Variants in ELL2 observed in about 807,000 individuals in gnomAD.
ELL2 encodes the protein RNA polymerase II elongation factor ELL2.
A neutral mutation model predicts 72.8 loss-of-function variants in ELL2; 21 were observed. The observed-to-expected ratio is 0.29, with a 90% confidence interval of 0.20 to 0.42. ELL2 has a LOEUF of 0.42. Ranked by LOEUF, ELL2 falls within the 10% of genes least tolerant of loss-of-function variation. The pLI, the probability that ELL2 is intolerant of heterozygous loss-of-function variation, is 1.00. For synonymous variants in ELL2, 266 were observed against 283.2 expected (o/e 0.94, Z 0.61); for missense variants, 568 against 772.8 (o/e 0.73, Z 3.14).
intron 2 of ELL2, among the ~76,000 whole-genome samples, chr5:95,940,138 T>G (rs1244820106): frequency 6.6e-6 from 1 of 152,194 alleles, no homozygotes; most frequent in Non-Finnish European, 1.5e-5. Flanking sequence ...ATGCCTTCAA[T>G]GACCATCTAA....
intron 7 of ELL2, 145 bp downstream of exon 7, chr5:95,900,548 C>T: frequency 1.9e-6 from 1 of 539,948 alleles, no homozygotes. Flanking sequence ...AAATTCTAGG[C>T]TAAGCTCAGC....
chr5:95,894,244 A>T (rs1216718959), intron 9 of ELL2, among the ~76,000 whole-genome samples: 1 of 152,232 alleles, frequency 6.6e-6, no homozygotes. Context: ...CCGTCTCAAA[A>T]ACAAAAAAAG....
intron 1 of ELL2, among the ~76,000 whole-genome samples, chr5:95,961,321 C>A (rs1751840239): frequency 6.6e-6 from 1 of 151,864 alleles, no homozygotes; most frequent in Admixed American, 6.5e-5. Context: ...GCAGCGGCAG[C>A]GCAGCCGACC....
At chr5:95,956,273 A>C (rs1467434948) in intron 1 of ELL2, among the ~76,000 whole-genome samples, 1 of 152,176 alleles carries the variant, frequency 6.6e-6, no homozygotes, top group Non-Finnish European at 1.5e-5. Flanking sequence ...CGTTGCATTG[A>C]GCAACTGGGC....
intron 2 of ELL2, among the ~76,000 whole-genome samples, chr5:95,920,134 C>G (rs1169747638): frequency 6.6e-6 from 1 of 152,110 alleles, no homozygotes; most frequent in Non-Finnish European, 1.5e-5. Flanking sequence ...TGCCATTATA[C>G]ATCCTCATGT....
At chr5:95,891,475 C>T (rs764688558) in intron 9 of ELL2, among the ~76,000 whole-genome samples, 6 of 152,192 alleles carry the variant, frequency 3.9e-5, no homozygotes, top group Admixed American at 2.0e-4. Context: ...AGAGCTTCAA[C>T]GAAGGAGAGT....
intron 2 of ELL2, among the ~76,000 whole-genome samples, chr5:95,939,892 C>T (rs192991744): frequency 9.2e-5 from 14 of 152,282 alleles, no homozygotes; most frequent in Non-Finnish European, 1.5e-4. Context: ...CCCATGTGAA[C>T]GTACCGGCTA....
At chr5:95,936,535 C>T (rs1391123771) in intron 2 of ELL2, among the ~76,000 whole-genome samples, 1 of 152,136 alleles carries the variant, frequency 6.6e-6, no homozygotes, top group East Asian at 1.9e-4. Context: ...GTAATCCCAG[C>T]ACTTTGAGAG....
At chr5:95,961,512 CGGCCAGGCCGTGA>C (rs1472730792) in intron 1 of ELL2, 50 bp downstream of exon 1, 1 of 1,392,190 alleles carries the variant, frequency 7.2e-7, no homozygotes, top group Non-Finnish European at 9.4e-7. Context: ...CACCCGGGCG[CGGCCAGGCCGTGA>C]GGGGTGCGCT....
chr5:95,903,539 GTT>G (rs1749228937), intron 5 of ELL2, among the ~76,000 whole-genome samples: 2 of 151,990 alleles, frequency 1.3e-5, no homozygotes, highest in South Asian at 4.1e-4. Context: ...TAGGACCTTT[GTT>G]TTTTAAGTCT....
At chr5:95,915,398 C>T (rs536924484) in intron 3 of ELL2, among the ~76,000 whole-genome samples, 170 of 152,372 alleles carry the variant, frequency 1.1e-3, no homozygotes, top group African/African-American at 4.0e-3. Flanking sequence ...CCGCACCTGG[C>T]TGATAAAATC....
intron 5 of ELL2, 89 bp downstream of exon 5, chr5:95,906,431 CAAT>C: frequency 7.2e-7 from 1 of 1,381,642 alleles, no homozygotes; most frequent in Non-Finnish European, 9.8e-7. Context: ...TTCTCTATCT[CAAT>C]AATAATGATA....
chr5:95,894,934 G>T (rs767357156), intron 9 of ELL2, among the ~76,000 whole-genome samples: 1 of 152,062 alleles, frequency 6.6e-6, no homozygotes, highest in Non-Finnish European at 1.5e-5. Flanking sequence ...TCCAAAGTCA[G>T]ATTTGTTTGC....
rs1414665808 is a variant in ELL2, at chr5:95,888,784, T to G, written c.*87A>C. The G allele has an allele frequency of 1.1e-6, 1 of 934,574 alleles. No individual in the cohort carries two copies. Among genetic ancestry groups the G allele is most frequent in the Admixed American group, 2.9e-5 (1 of 34,748 alleles). The allele number at this position is 934,574 out of a possible 1,614,324, so 57.9% of individuals were successfully genotyped here. ...ACTGAAACTTTCAACAGCCAAAGTT[T>G]CACCTTTTTAGAATCTAGAGCAACT... On this transcript the variant is annotated 3_prime_UTR_variant, in exon 12 of 12. Transcript: ENST00000237853.
chr5:95,907,418 ATG>A (rs1749417759), intron 4 of ELL2, among the ~76,000 whole-genome samples: 1 of 151,836 alleles, frequency 6.6e-6, no homozygotes, highest in Non-Finnish European at 1.5e-5. Context: ...GAGACTACAC[ATG>A]TGAGTTAGAG....
chr5:95,922,873 A>G (rs1750143089), intron 2 of ELL2, among the ~76,000 whole-genome samples: 1 of 152,264 alleles, frequency 6.6e-6, no homozygotes, highest in Admixed American at 6.5e-5. Flanking sequence ...TTTGTGTTAC[A>G]CATAGATTAA....
intron 2 of ELL2, among the ~76,000 whole-genome samples, chr5:95,940,920 C>T (rs938395955): frequency 6.6e-6 from 1 of 152,062 alleles, no homozygotes; most frequent in Non-Finnish European, 1.5e-5. Context: ...CCAGTAATGA[C>T]TCTTTGTTTT....
intron 2 of ELL2, among the ~76,000 whole-genome samples, chr5:95,939,001 G>C (rs1750877181): frequency 6.6e-6 from 1 of 152,100 alleles, no homozygotes; most frequent in African/African-American, 2.4e-5. Flanking sequence ...AGCAGATATG[G>C]GCATTATTCA....
At chr5:95,910,165 CT>C (rs144685269) in intron 4 of ELL2, among the ~76,000 whole-genome samples, 9 of 150,864 alleles carry the variant, frequency 6.0e-5, no homozygotes, top group East Asian at 3.9e-4. Flanking sequence ...AAATACCCAC[CT>C]TTTTTTTTAA....
Sources: gnomAD v4.1 joint callset for allele counts (sites outside exome capture counted in the v4.1 genomes callset) on GRCh38, gnomAD v4.1.1 for gene constraint, MANE v1.5 for transcripts, NCBI Gene and HGNC (gene_info 2026-07-23, HGNC 2026-07-21) for gene names.